Variants in PRH1 observed in about 807,000 individuals in gnomAD.
The protein encoded by PRH1 is salivary acidic proline-rich phosphoprotein 1/2.
In PRH1, 7 loss-of-function variants were observed where a neutral mutation model predicts 7.9. The ratio of observed to expected loss-of-function variants is 0.89; its 90% confidence interval spans 0.50 to 1.67. The LOEUF (loss-of-function observed/expected upper bound fraction) is 1.67, where lower values mean the gene tolerates loss of function less well. Among genes scored for constraint, PRH1 ranks in the 40% most tolerant of loss-of-function variants. PRH1 has a pLI of 0.00. For synonymous variants in PRH1, 45 were observed against 80.8 expected, an observed-to-expected ratio of 0.56 and a Z score of 2.38; for missense variants, 109 against 223.6, an observed-to-expected ratio of 0.49 and a Z score of 3.27.
At chr12:10,986,303 T>C (rs182984881) in intron 1 of PRH1, 17 of 1,614,014 alleles carry the variant, frequency 1.1e-5, no homozygotes, top group East Asian at 6.7e-5. Flanking sequence ...GAGTAAAGGG[T>C]ATGAAGCTCC....
intron 2 of PRH1, among the ~76,000 whole-genome samples, chr12:10,910,650 C>T (rs962293381): frequency 6.6e-6 from 1 of 152,008 alleles, no homozygotes; most frequent in Non-Finnish European, 1.5e-5. Flanking sequence ...GTTCCTCACC[C>T]CGCCCCACTC....
intron 1 of PRH1, among the ~76,000 whole-genome samples, chr12:11,070,979 T>TA (rs1306958513): frequency 8.3e-6 from 1 of 119,796 alleles, no homozygotes; most frequent in East Asian, 2.1e-4. Context: ...GAGAATGAAT[T>TA]ATGATTTTTA....
At chr12:11,028,218 T>C (rs1329339034) in intron 1 of PRH1, among the ~76,000 whole-genome samples, 1 of 152,204 alleles carries the variant, frequency 6.6e-6, no homozygotes, top group Admixed American at 6.5e-5. Context: ...AGATGATAGT[T>C]CTGCCTCAAG....
chr12:11,155,317 CA>C (rs1565711528), intron 1 of PRH1, among the ~76,000 whole-genome samples: 1 of 152,148 alleles, frequency 6.6e-6, no homozygotes, highest in Non-Finnish European at 1.5e-5. Flanking sequence ...CAGTATAATT[CA>C]TGGGGGTGCT....
At chr12:11,028,756 G>A (rs188984756) in intron 1 of PRH1, among the ~76,000 whole-genome samples, 8 of 150,208 alleles carry the variant, frequency 5.3e-5, no homozygotes, top group African/African-American at 1.7e-4. Context: ...GTTCTACCTT[G>A]TCTCCAACTC....
upstream of PRH1, among the ~76,000 whole-genome samples, chr12:11,050,500 G>A (rs1003205218): frequency 1.9e-4 from 29 of 152,318 alleles, 2 homozygotes; most frequent in Non-Finnish European, 8.8e-5. Context: ...TGGCCATCAC[G>A]AACATGTCAC....
intron 2 of PRH1, among the ~76,000 whole-genome samples, chr12:10,898,341 C>G (rs1487810194): frequency 6.6e-6 from 1 of 152,084 alleles, no homozygotes; most frequent in Non-Finnish European, 1.5e-5. Context: ...AAGATACACC[C>G]TAGGTAAATT....
intron 2 of PRH1, among the ~76,000 whole-genome samples, chr12:10,916,156 C>A (rs1332966890): frequency 6.6e-6 from 1 of 152,124 alleles, no homozygotes; most frequent in African/African-American, 2.4e-5. Context: ...CAAGGCAACT[C>A]CCCTTTATAA....
chr12:11,144,105 G>A (rs1404740947), intron 1 of PRH1, among the ~76,000 whole-genome samples: 1 of 152,196 alleles, frequency 6.6e-6, no homozygotes, highest in African/African-American at 2.4e-5. Context: ...AGCATCAGCT[G>A]TAGTAGTGTG....
chr12:11,022,307 C>A (rs201460627), intron 1 of PRH1: 16 of 1,614,000 alleles, frequency 9.9e-6, no homozygotes, highest in African/African-American at 1.3e-5. Flanking sequence ...TTCGTTACAG[C>A]CCAGGCATTA....
intron 2 of PRH1, among the ~76,000 whole-genome samples, chr12:10,897,733 T>G (rs752783167): frequency 1.1e-4 from 17 of 152,090 alleles, no homozygotes; most frequent in Non-Finnish European, 2.1e-4. Context: ...CCTTACACTT[T>G]CAAACAACCA....
rs554402395 is a variant in PRH1 at position 10,928,993 on chromosome 12, T to G, written c.-59+44662A>C. On this transcript the variant is annotated intron_variant, in intron 2 of 3. Transcript: ENST00000539853. The stretch of plus-strand genomic sequence containing the variant: ...CAATCCTGACACTGTGCTGATTGCT[T>G]GGACACAGTTCCGTCAAAACATTTG... Among the ~76,000 whole-genome samples, 88 of 152,338 alleles carry G rather than the reference T, an allele frequency of 5.8e-4. 2 individuals carry two copies. In the South Asian group the frequency reaches 0.018, roughly 31 times the overall value.
At chr12:11,032,140 C>A (rs955745807) in intron 1 of PRH1, among the ~76,000 whole-genome samples, 2 of 152,168 alleles carry the variant, frequency 1.3e-5, no homozygotes, top group Admixed American at 1.3e-4. Context: ...AAACCTGAAT[C>A]CTCATTTGCT....
At chr12:10,990,046 A>G (rs1363990484) in intron 1 of PRH1, among the ~76,000 whole-genome samples, 1 of 152,248 alleles carries the variant, frequency 6.6e-6, no homozygotes, top group Non-Finnish European at 1.5e-5. Context: ...ACAAAACTGG[A>G]GGAATCACAT....
intron 2 of PRH1, among the ~76,000 whole-genome samples, chr12:10,946,811 T>C (rs1326454409): frequency 3.3e-5 from 5 of 152,242 alleles, no homozygotes; most frequent in Non-Finnish European, 7.3e-5. Context: ...GCCTTAGTTG[T>C]GTCTCAGAGA....
intron 1 of PRH1, among the ~76,000 whole-genome samples, chr12:11,012,943 A>G (rs1941130956): frequency 1.3e-5 from 2 of 152,128 alleles, no homozygotes; most frequent in African/African-American, 4.8e-5. Context: ...TAAAAGGCAA[A>G]AATTATATAT....
At chr12:11,006,195 T>G (rs1460875917) in intron 1 of PRH1, 1 of 151,938 alleles carries the variant, frequency 6.6e-6, no homozygotes, top group Non-Finnish European at 1.5e-5. Flanking sequence ...AAAACACAGA[T>G]GATAATATTA....
intron 1 of PRH1, among the ~76,000 whole-genome samples, chr12:11,074,964 C>T (rs983224383): frequency 2.7e-5 from 4 of 149,872 alleles, no homozygotes; most frequent in South Asian, 4.2e-4. Flanking sequence ...GAAGTGACAA[C>T]GGCAAAGTCA....
intron 1 of PRH1, among the ~76,000 whole-genome samples, chr12:11,024,725 TATGAATA>T (rs1320336804): frequency 6.6e-6 from 1 of 152,258 alleles, no homozygotes; most frequent in Non-Finnish European, 1.5e-5. Flanking sequence ...TTTGAGCTTT[TATGAATA>T]ATGCTACAAT....
Sources: gnomAD v4.1 joint callset for allele counts (sites outside exome capture counted in the v4.1 genomes callset) on GRCh38, gnomAD v4.1.1 for gene constraint, MANE v1.5 for transcripts, NCBI Gene and HGNC (gene_info 2026-07-23, HGNC 2026-07-21) for gene names.